Variants in ADGRG6 observed in about 807,000 individuals in gnomAD.
The protein encoded by ADGRG6 is adhesion G protein-coupled receptor G6.
Under a neutral mutation model 142.4 loss-of-function variants are expected in ADGRG6, and 84 were observed. The observed-to-expected ratio is 0.59, with a 90% CI of 0.49 to 0.71. The LOEUF (loss-of-function observed/expected upper bound fraction) is 0.71. ADGRG6 is among the 30% of genes least tolerant of loss of function. ADGRG6 has a pLI of 0.00. For synonymous variants in ADGRG6, 521 were observed against 520.5 expected (o/e 1.00, Z -0.01); for missense variants, 1,367 against 1,466.6 (o/e 0.93, Z 1.11).
intron 24 of ADGRG6, chr6:142,441,044 C>T (rs1044897817): frequency 3.8e-5 from 23 of 601,660 alleles, no homozygotes; most frequent in African/African-American, 2.5e-4. Flanking sequence ...CTTGCTGCAT[C>T]GGCAAAATGG....
chr6:142,305,750 A>G (rs1267305201), intron 1 of ADGRG6, among the ~76,000 whole-genome samples: 1 of 152,108 alleles, frequency 6.6e-6, no homozygotes, highest in African/African-American at 2.4e-5. Context: ...CTTAAGGCTG[A>G]GTTTTACTCT....
At position 142,443,702 on chromosome 6, in the gene ADGRG6, GT is replaced by G; in HGVS notation, c.*188del. 1 of 480,682 alleles carries G rather than the reference GT, an allele frequency of 2.1e-6. No homozygotes were observed. The highest frequency in any genetic ancestry group is 3.7e-6 in the Non-Finnish European group (1 of 273,598). 29.8% of individuals were successfully genotyped at this position (480,682 alleles called of 1,614,324 possible). A position where few individuals can be genotyped will look rare whatever the true frequency, so the allele number is the denominator to read the frequency against. The stretch of plus-strand genomic sequence containing the variant: ...AATATATTTCTTCCATGGAAGAGTT[GT>G]CATCACTAAAACTTCAGTACTGAGA... On this transcript the variant is annotated 3_prime_UTR_variant, in exon 25 of 25. Transcript: ENST00000367609.
At position 142,348,745 on chromosome 6, in the gene ADGRG6, G is replaced by T. The variant is rs188563780; in HGVS notation, c.104-18824G>T. Among the ~76,000 whole-genome samples the T allele has an allele frequency of 5.9e-5, 9 of 151,848 alleles. No individual in the cohort carries two copies. In the East Asian group the frequency reaches 1.4e-3, roughly 23 times the overall value. On this transcript the variant is annotated intron_variant, in intron 2 of 24. Coordinates refer to ENST00000367609, the MANE Select transcript of ADGRG6 (RefSeq NM_198569.3). ...CATTTATCAGCAATCTACCTTGATT[G>T]GTATTCTACAATGAATTAATGAATT...
rs950189388 is a variant in ADGRG6, at chr6:142,374,521, A to C, written c.1069+3728A>C. 5.9e-5 allele frequency among the ~76,000 whole-genome samples: 9 copies of C among 152,302 alleles called. 1 individual carries two copies. The highest frequency in any genetic ancestry group is 3.4e-3 in the Middle Eastern group (1 of 294). Reference sequence around the variant, plus strand: ...AAATGGTGGCTGCTGCTTTCAAAGGAGCTTCCCAGTTTACTTTAGCCCTTA... The same window carrying C: ...AAATGGTGGCTGCTGCTTTCAAAGGCGCTTCCCAGTTTACTTTAGCCCTTA... On this transcript the variant is annotated intron_variant, in intron 4 of 24. Coordinates refer to ENST00000367609, the MANE Select transcript of ADGRG6 (RefSeq NM_198569.3).
rs1485221623 is a variant in ADGRG6, at chr6:142,370,942, T to C, written c.1069+149T>C. On this transcript the variant is annotated intron_variant, in intron 4 of 24. Coordinates refer to ENST00000367609, the MANE Select transcript of ADGRG6 (RefSeq NM_198569.3). ...TATATATATGTTGTCATTAAAAAGC[T>C]CTTTTAATTTTTAAAATGTCGTCTG... 9 of 825,044 alleles carry C rather than the reference T, an allele frequency of 1.1e-5. No homozygotes were observed. The Admixed American group carries it at 2.2e-4, about 21-fold the overall frequency. 51.1% of individuals were successfully genotyped at this position (825,044 alleles called of 1,614,324 possible).
chr6:142,381,153 C>T (rs1781751898), intron 4 of ADGRG6, among the ~76,000 whole-genome samples: 1 of 152,188 alleles, frequency 6.6e-6, no homozygotes, highest in African/African-American at 2.4e-5. Flanking sequence ...TGTGCCTACA[C>T]ATTCCCACAG....
intron 22 of ADGRG6, among the ~76,000 whole-genome samples, chr6:142,422,517 G>T (rs1456656371): frequency 1.3e-5 from 2 of 152,162 alleles, no homozygotes; most frequent in Admixed American, 1.3e-4. Flanking sequence ...TGGCTGCATA[G>T]TACTCCATGG....
intron 1 of ADGRG6, among the ~76,000 whole-genome samples, chr6:142,308,248 G>C (rs1777598763): frequency 6.6e-6 from 1 of 151,936 alleles, no homozygotes; most frequent in African/African-American, 2.4e-5. Context: ...GTTCATTGCT[G>C]TTCCTTATTT....
intron 8 of ADGRG6, among the ~76,000 whole-genome samples, chr6:142,393,657 A>C (rs1331354827): frequency 6.6e-6 from 1 of 152,152 alleles, no homozygotes; most frequent in African/African-American, 2.4e-5. Flanking sequence ...ACTGAAGCAG[A>C]TTTTTTTATC....
chr6:142,351,468 C>G (rs1780171515), intron 2 of ADGRG6, among the ~76,000 whole-genome samples: 1 of 152,100 alleles, frequency 6.6e-6, no homozygotes. Flanking sequence ...ACTCCCCATT[C>G]AATAAATGGT....
rs1360240630 is a variant in ADGRG6, at chr6:142,420,018, G to A, written c.3233G>A (p.Gly1078Asp). 2 of 1,613,434 alleles carry A rather than the reference G, an allele frequency of 1.2e-6. No homozygotes were observed. The highest frequency in any genetic ancestry group is 1.7e-5 in the Admixed American group (1 of 59,960). The change falls in exon 22 of 25, where the codon GGC becomes GAC. Residue 1078 changes from glycine (G) to aspartate (D), a missense_variant. By Grantham distance (94) the Gly-to-Asp change is moderately conservative. This residue lies in a region of ADGRG6 where 344 missense variants were observed against 348.7 expected (regional missense o/e 0.99). Transcript: ENST00000367609. ...RSVVSLTFLL[G>D]MTWGFAFFAW... is the part of the protein sequence containing the mutation. ...GTGGTTAGCTTGACCTTTCTGTTGGGCATGACATGGGGTTTTGCATTCTTT... is the reference window on the plus strand; with the variant it reads ...GTGGTTAGCTTGACCTTTCTGTTGGACATGACATGGGGTTTTGCATTCTTT...
chr6:142,433,783 C>T (rs989089708), intron 22 of ADGRG6, among the ~76,000 whole-genome samples: 16 of 152,338 alleles, frequency 1.1e-4, no homozygotes, highest in Admixed American at 3.9e-4. Context: ...CAGCCAGTCA[C>T]GATGGCTCAT....
intron 4 of ADGRG6, among the ~76,000 whole-genome samples, chr6:142,371,404 T>G (rs1420284838): frequency 6.6e-6 from 1 of 151,546 alleles, no homozygotes; most frequent in Non-Finnish European, 1.5e-5. Flanking sequence ...TGACCTCAAG[T>G]GGTCCACCTA....
intron 6 of ADGRG6, 134 bp downstream of exon 6, chr6:142,383,977 T>G: frequency 1.7e-6 from 1 of 595,296 alleles, no homozygotes; most frequent in Non-Finnish European, 2.9e-6. Context: ...TTTACAAGAT[T>G]AGTAAAATTA....
intron 4 of ADGRG6, among the ~76,000 whole-genome samples, chr6:142,378,615 C>A (rs1245632230): frequency 6.6e-6 from 1 of 152,158 alleles, no homozygotes; most frequent in Non-Finnish European, 1.5e-5. Context: ...TTTCATTGTG[C>A]ATTTGCTTAA....
chr6:142,316,675 G>C (rs536115474), intron 2 of ADGRG6, among the ~76,000 whole-genome samples: 4 of 152,222 alleles, frequency 2.6e-5, no homozygotes, highest in Non-Finnish European at 5.9e-5. Context: ...GAATAGTTTA[G>C]CTGTATCACT....
intron 2 of ADGRG6, among the ~76,000 whole-genome samples, chr6:142,315,586 T>C (rs1459425846): frequency 2.0e-5 from 3 of 151,998 alleles, no homozygotes; most frequent in Non-Finnish European, 2.9e-5. Flanking sequence ...CAAGGTTCCT[T>C]TGGGAGGCCG....
In ADGRG6 at chr6:142,403,993, T is replaced by G; in HGVS notation, c.2127+20T>G. The G allele has an allele frequency of 1.3e-6, 2 of 1,564,062 alleles. No homozygotes were observed. Among genetic ancestry groups the G allele is most frequent in the Non-Finnish European group, 1.8e-6 (2 of 1,138,012 alleles). On this transcript the variant is annotated intron_variant, in intron 14 of 24. Coordinates refer to ENST00000367609, the MANE Select transcript of ADGRG6 (RefSeq NM_198569.3). ...TTCCAGGTAATGAGCCAGTGGTTTCTTTCATTTTAATTAATTAGTTAGACA... is the reference window on the plus strand; with the variant it reads ...TTCCAGGTAATGAGCCAGTGGTTTCGTTCATTTTAATTAATTAGTTAGACA...
intron 4 of ADGRG6, 98 bp from the exon 5 acceptor site, chr6:142,381,853 C>A (rs1231228584): frequency 5.4e-6 from 4 of 737,532 alleles, no homozygotes; most frequent in Non-Finnish European, 9.3e-6. Context: ...CTGGTGGACT[C>A]TTCTAGGGCT....
Sources: gnomAD v4.1 joint callset for allele counts (sites outside exome capture counted in the v4.1 genomes callset) on GRCh38, gnomAD v4.1.1 for gene constraint, gnomAD v4.1.1 regional missense constraint, MANE v1.5 for transcripts, NCBI Gene and HGNC (gene_info 2026-07-23, HGNC 2026-07-21) for gene names.